PHF14: variants seen among roughly 807,000 people sequenced by gnomAD.
PHF14 encodes the protein PHD finger protein 14.
Under a neutral mutation model 117.9 loss-of-function variants are expected in PHF14, and 55 were observed. That is an observed-to-expected ratio of 0.47 (90% CI 0.38 to 0.58). The LOEUF is 0.58. Ranked by LOEUF, PHF14 falls within the 20% of genes least tolerant of loss-of-function variation. The probability of loss-of-function intolerance (pLI) is 0.00; values close to 1 mark genes in which losing one functional copy is unlikely to be tolerated. For synonymous variants in PHF14, 409 were observed against 368.6 expected (o/e 1.11, Z -1.26); for missense variants, 978 against 1,122.2 (o/e 0.87, Z 1.84).
rs961825885 is a variant in PHF14, at chr7:11,011,459, T to G, written c.1046-2288T>G. On this transcript the variant is annotated intron_variant, in intron 4 of 17. Transcript: ENST00000634607. The stretch of plus-strand genomic sequence containing the variant: ...GACGATCATGTTAAATGTTTCTCAC[T>G]GTGGCTTATTTAATGTCATCAGTTT... Among the ~76,000 whole-genome samples, 5 of 152,220 alleles carry G rather than the reference T, an allele frequency of 3.3e-5. No individual in the cohort carries two copies. In the East Asian group the frequency reaches 9.6e-4, roughly 29 times the overall value.
At chr7:11,163,091 A>G (rs1789097218) in intron 17 of PHF14, among the ~76,000 whole-genome samples, 1 of 152,190 alleles carries the variant, frequency 6.6e-6, no homozygotes, top group South Asian at 2.1e-4. Flanking sequence ...GCAGTATTAA[A>G]TAAAGGGAGA....
At chr7:10,978,116 T>C (rs1454552036) in intron 2 of PHF14, among the ~76,000 whole-genome samples, 2 of 152,180 alleles carry the variant, frequency 1.3e-5, no homozygotes, top group African/African-American at 4.8e-5. Context: ...AATAATTTAA[T>C]GAGAAGTGTC....
At chr7:11,037,501 A>G (rs1784352288) in intron 10 of PHF14, among the ~76,000 whole-genome samples, 2 of 152,302 alleles carry the variant, frequency 1.3e-5, no homozygotes, top group South Asian at 4.1e-4. Flanking sequence ...TAATCAATAA[A>G]CATTGCTATA....
intron 17 of PHF14, among the ~76,000 whole-genome samples, chr7:11,123,798 G>A (rs549777962): frequency 6.8e-6 from 1 of 148,134 alleles, no homozygotes; most frequent in South Asian, 2.1e-4. Context: ...GGAATGAGCA[G>A]AGATCGTGCC....
In PHF14 at chr7:11,105,261, T is replaced by G. The variant is rs6951215; in HGVS notation, c.2655-6089T>G. ...TAGATCATTGTCATTCGTTGTTGCT[T>G]AAGTGTTCATCTGATTTTATATTTA... On this transcript the variant is annotated intron_variant, in intron 16 of 17. Transcript: ENST00000634607. The G allele has an allele frequency of 6.3e-4, 605 of 956,402 alleles. 1 individual carries two copies. The African/African-American group carries it at 0.01, about 16-fold the overall frequency. 59.2% of individuals were successfully genotyped at this position (956,402 alleles called of 1,614,324 possible).
At chr7:11,118,562 T>C (rs1046504244) in intron 17 of PHF14, among the ~76,000 whole-genome samples, 6 of 151,902 alleles carry the variant, frequency 3.9e-5, no homozygotes, top group African/African-American at 1.4e-4. Context: ...ATACTGAACA[T>C]TTATGTCCTG....
chr7:11,055,101 G>A (rs1784974246), intron 14 of PHF14, among the ~76,000 whole-genome samples: 1 of 152,056 alleles, frequency 6.6e-6, no homozygotes, highest in African/African-American at 2.4e-5. Flanking sequence ...TGTAAAGGCA[G>A]CCTGAGATAG....
intron 16 of PHF14, chr7:11,103,561 G>T (rs1787162234): frequency 1.0e-6 from 1 of 984,702 alleles, no homozygotes; most frequent in Non-Finnish European, 1.2e-6. Flanking sequence ...TGATTTAGAA[G>T]AGACTCTTTG....
At chr7:11,028,906 A>C in intron 7 of PHF14, 88 bp downstream of exon 7, 1 of 1,081,558 alleles carries the variant, frequency 9.2e-7, no homozygotes, top group Non-Finnish European at 1.3e-6. Context: ...ATAATAAAAG[A>C]AATTTTAACA....
intron 17 of PHF14, among the ~76,000 whole-genome samples, chr7:11,162,072 C>CTTTTTTTTT (rs564998009): frequency 4.3e-4 from 30 of 70,302 alleles, no homozygotes; most frequent in South Asian, 8.8e-4. Context: ...AAAAATATGT[C>CTTTTTTTTT]TTTTTTTTTT....
At chr7:11,131,496 T>C (rs1320808105) in intron 17 of PHF14, among the ~76,000 whole-genome samples, 1 of 151,986 alleles carries the variant, frequency 6.6e-6, no homozygotes, top group Non-Finnish European at 1.5e-5. Flanking sequence ...TAAATTGGGT[T>C]GTAAAATTAT....
intron 17 of PHF14, among the ~76,000 whole-genome samples, chr7:11,142,523 G>T (rs773855852): frequency 1.3e-5 from 2 of 151,924 alleles, no homozygotes; most frequent in African/African-American, 2.4e-5. Context: ...CATTTCAGCC[G>T]CAAGCTTATA....
intron 4 of PHF14, among the ~76,000 whole-genome samples, chr7:11,005,064 T>C (rs533321428): frequency 1.3e-5 from 2 of 152,238 alleles, no homozygotes; most frequent in Admixed American, 1.3e-4. Flanking sequence ...GGTGATAGTT[T>C]AGGTGATGTC....
At chr7:11,107,303 T>A in intron 16 of PHF14, 1 of 965,620 alleles carries the variant, frequency 1.0e-6, no homozygotes, top group Non-Finnish European at 1.2e-6. Context: ...TTGTTTAGGG[T>A]GCTATTCTTA....
chr7:11,041,207 G>C (rs1432047689), intron 12 of PHF14, among the ~76,000 whole-genome samples: 2 of 151,818 alleles, frequency 1.3e-5, no homozygotes, highest in African/African-American at 4.8e-5. Context: ...TTTTAGTTTT[G>C]AGTTTCTACA....
In PHF14 at chr7:11,103,874, A is replaced by G. The variant is rs570749377; in HGVS notation, c.2655-7476A>G. Reference sequence around the variant, plus strand: ...TTAGCTTATTGAAAGATCTCATAACATTGGAGGAAAAATATTCATAATCTT... The same window carrying G: ...TTAGCTTATTGAAAGATCTCATAACGTTGGAGGAAAAATATTCATAATCTT... On this transcript the variant is annotated intron_variant, in intron 16 of 17. Transcript: ENST00000634607. 27 of 981,274 alleles carry G rather than the reference A, an allele frequency of 2.8e-5. No homozygotes were observed. The East Asian group carries it at 5.7e-4, about 21-fold the overall frequency. The allele number at this position is 981,274 out of a possible 1,614,324, so 60.8% of individuals were successfully genotyped here. A position where few individuals can be genotyped will look rare whatever the true frequency, so the allele number is the denominator to read the frequency against.
At chr7:11,063,300 G>T (rs150907355) in intron 16 of PHF14, 2 of 984,210 alleles carry the variant, frequency 2.0e-6, no homozygotes, top group East Asian at 2.3e-4. Context: ...GTAGTAAGTA[G>T]TTCCAAGTTC....
chr7:11,133,632 C>T (rs115971163), intron 17 of PHF14, among the ~76,000 whole-genome samples: 234 of 151,938 alleles, frequency 1.5e-3, no homozygotes, highest in African/African-American at 5.3e-3. Flanking sequence ...GAGTGCTTCC[C>T]CTAGCAAGAC....
intron 4 of PHF14, among the ~76,000 whole-genome samples, chr7:10,995,087 C>T (rs921019066): frequency 2.0e-5 from 3 of 152,170 alleles, no homozygotes; most frequent in African/African-American, 7.2e-5. Context: ...CCGCACAGAG[C>T]ACTGATTGGT....
Sources: allele counts gnomAD v4.1 joint callset (sites outside exome capture counted in the v4.1 genomes callset), GRCh38; gene constraint gnomAD v4.1.1; transcripts MANE v1.5; gene names NCBI Gene and HGNC (gene_info 2026-07-23, HGNC 2026-07-21).